The following MMP27 variants were observed in gnomAD, a reference collection of about 807,000 sequenced individuals.
MMP27 encodes the protein matrix metalloproteinase-27.
A neutral mutation model predicts 48.1 loss-of-function variants in MMP27; 51 were observed. The ratio of observed to expected loss-of-function variants is 1.06; its 90% confidence interval spans 0.85 to 1.34. The LOEUF (loss-of-function observed/expected upper bound fraction) is 1.34, where lower values mean the gene tolerates loss of function less well. MMP27 is among the 40% of genes most tolerant of loss of function. MMP27 has a pLI of 0.00. For synonymous variants in MMP27, 229 were observed against 208.9 expected, an observed-to-expected ratio of 1.10 and a Z score of -0.83; for missense variants, 698 against 619.3, an observed-to-expected ratio of 1.13 and a Z score of -1.35.
At chr11:102,696,240 G>T (rs1565426349) in intron 6 of MMP27, 131 bp downstream of exon 6, 1 of 853,232 alleles carries the variant, frequency 1.2e-6, no homozygotes, top group Non-Finnish European at 1.9e-6. Flanking sequence ...CATTCAAACA[G>T]TATAGGCAGT....
In MMP27 at chr11:102,691,650, G is replaced by A. The variant is rs1860724829; in HGVS notation, c.*116C>T. 1 of 928,526 alleles carries A rather than the reference G, an allele frequency of 1.1e-6. No individual in the cohort carries two copies. Among genetic ancestry groups the A allele is most frequent in the Non-Finnish European group, 1.5e-6 (1 of 646,116 alleles). 57.5% of individuals were successfully genotyped at this position (928,526 alleles called of 1,614,324 possible). On this transcript the variant is annotated 3_prime_UTR_variant, in exon 10 of 10. Coordinates refer to ENST00000260229, the MANE Select transcript of MMP27 (RefSeq NM_022122.3). Reference sequence around the variant, plus strand: ...AATCAGGCAGCTCAAAATGGCCATTGAATTTGGATATTTAGAACTAGGACC... The same window carrying A: ...AATCAGGCAGCTCAAAATGGCCATTAAATTTGGATATTTAGAACTAGGACC...
Position 102,696,608 on chromosome 11 carries a change from C to T in MMP27, c.781+66G>A, listed in dbSNP as rs1438181494. 6.4e-6 allele frequency: 10 copies of T among 1,569,050 alleles called. No individual in the cohort carries two copies. In the East Asian group the frequency reaches 2.2e-4, roughly 35 times the overall value. ...TGATAATATTTCAAGAAGTGATTTT[C>T]TTAACTTCCTTTCTGAAAAGCTTCC... On this transcript the variant is annotated intron_variant, in intron 5 of 9. Transcript: ENST00000260229.
intron 8 of MMP27, among the ~76,000 whole-genome samples, chr11:102,693,265 G>T (rs925707068): frequency 6.6e-6 from 1 of 152,178 alleles, no homozygotes; most frequent in African/African-American, 2.4e-5. Flanking sequence ...CACAACATAT[G>T]TTAGATTGAT....
chr11:102,700,292 C>G (rs757531237), intron 4 of MMP27, among the ~76,000 whole-genome samples: 4 of 152,202 alleles, frequency 2.6e-5, no homozygotes, highest in African/African-American at 9.6e-5. Context: ...AAGTCTCTGT[C>G]TCATGGAGAT....
At chr11:102,695,157 G>T in intron 6 of MMP27, 60 bp from the exon 7 acceptor site, 12 of 1,571,288 alleles carry the variant, frequency 7.6e-6, no homozygotes, top group Non-Finnish European at 9.6e-6. Context: ...TGAGAATTTT[G>T]TAATCTTAGG....
intron 4 of MMP27, among the ~76,000 whole-genome samples, chr11:102,698,368 A>G (rs896356617): frequency 6.6e-6 from 1 of 152,140 alleles, no homozygotes; most frequent in Non-Finnish European, 1.5e-5. Flanking sequence ...TGACCAAAAT[A>G]TGATTAAATG....
chr11:102,697,460 T>A (rs922925605), intron 4 of MMP27, among the ~76,000 whole-genome samples: 2 of 152,172 alleles, frequency 1.3e-5, no homozygotes, highest in African/African-American at 2.4e-5. Context: ...ATTAAAAATA[T>A]TTTTCTTCAA....
intron 2 of MMP27, among the ~76,000 whole-genome samples, chr11:102,704,144 G>A (rs1861000549): frequency 6.6e-6 from 1 of 152,182 alleles, no homozygotes; most frequent in African/African-American, 2.4e-5. Context: ...ACATGTCTCT[G>A]ACATAAACTG....
intron 4 of MMP27, among the ~76,000 whole-genome samples, chr11:102,700,422 A>G (rs950776216): frequency 6.6e-6 from 1 of 152,230 alleles, no homozygotes; most frequent in East Asian, 1.9e-4. Flanking sequence ...ACAATTGTCA[A>G]CAGAATCTTT....
At chr11:102,696,127 AG>A (rs1305434949) in intron 6 of MMP27, among the ~76,000 whole-genome samples, 1 of 152,250 alleles carries the variant, frequency 6.6e-6, no homozygotes, top group African/African-American at 2.4e-5. Context: ...AGTCACTGAA[AG>A]TGGACTCTAT....
intron 9 of MMP27, 118 bp downstream of exon 9, chr11:102,692,820 A>T: frequency 1.4e-6 from 1 of 720,166 alleles, no homozygotes; most frequent in Middle Eastern, 3.2e-4. Flanking sequence ...TTATTATTGT[A>T]TATACTTAAG....
rs1303324390 is a variant in MMP27, at chr11:102,704,720, C to T, written c.158G>A (p.Ser53Asn). 2 of 1,613,450 alleles carry T rather than the reference C, an allele frequency of 1.2e-6. No homozygotes were observed. Among genetic ancestry groups the T allele is most frequent in the Non-Finnish European group, 1.7e-6 (2 of 1,179,866 alleles). Reference protein sequence around the residue: ...LEIEGNHLVQSKNRSLIDDKI... With the variant: ...LEIEGNHLVQNKNRSLIDDKI... Reference sequence around the variant, plus strand: ...GTCATCTATGAGACTCCTATTCTTGCTTTGAACAAGATGATTCCCTTCTAT... The same window carrying T: ...GTCATCTATGAGACTCCTATTCTTGTTTTGAACAAGATGATTCCCTTCTAT... The change falls in exon 2 of 10, where the codon AGC becomes AAC. Residue 53 changes from serine to asparagine, a missense_variant. Ser to Asn is a conservative substitution (Grantham distance 46). Coordinates refer to ENST00000260229, the MANE Select transcript of MMP27 (RefSeq NM_022122.3).
At chr11:102,696,982 G>T in intron 4 of MMP27, 147 bp from the exon 5 acceptor site, 1 of 784,522 alleles carries the variant, frequency 1.3e-6, no homozygotes, top group Non-Finnish European at 2.0e-6. Flanking sequence ...TATCTGGGAG[G>T]TATTGCAATG....
rs1019769499 is a variant in MMP27 at position 102,695,058 on chromosome 11, C to T, written c.942G>A (p.Glu314=). ...WRIYYDITDV[E]FELIASFWPS... ...GCCAGAATGAAGCAATTAATTCAAA[C>T]TCAACATCCGTGATATCATAATAGA... Residue 314 remains glutamate, a synonymous_variant, in exon 7 of 10, where the codon GAG becomes GAA. Transcript: ENST00000260229. The T allele has an allele frequency of 1.2e-6, 2 of 1,613,946 alleles. No homozygotes were observed. Among genetic ancestry groups the T allele is most frequent in the Non-Finnish European group, 1.7e-6 (2 of 1,179,940 alleles).
intron 4 of MMP27, among the ~76,000 whole-genome samples, chr11:102,700,183 A>G (rs1472611907): frequency 6.6e-6 from 1 of 152,214 alleles, no homozygotes; most frequent in Non-Finnish European, 1.5e-5. Context: ...TGTTCAATAA[A>G]TGATCATTGA....
In MMP27 at chr11:102,691,883, A is replaced by G. The variant is rs1459469996; in HGVS notation, c.1425T>C (p.Phe475=). ...AATGTGCTTTTTCCTTGTTGATATC[A>G]AAACCAAATGAGGAGTTCTTTGGTT... The part of the protein sequence containing the change: ...CKEPKNSSFG[F]DINKEKAHSG... The change falls in exon 10 of 10, where the codon TTT becomes TTC. Residue 475 remains phenylalanine (F), a synonymous_variant. Transcript: ENST00000260229. The G allele has an allele frequency of 3.1e-6, 5 of 1,613,546 alleles. 1 individual carries two copies. The South Asian group carries it at 4.4e-5, about 14-fold the overall frequency.
intron 4 of MMP27, among the ~76,000 whole-genome samples, 162 bp from the exon 5 acceptor site, chr11:102,696,997 T>C (rs745737290): frequency 6.6e-6 from 1 of 152,228 alleles, no homozygotes; most frequent in South Asian, 2.1e-4. Flanking sequence ...GCAATGCTAA[T>C]AAGTCATGTG....
chr11:102,692,787 G>T, intron 9 of MMP27, 151 bp downstream of exon 9: 1 of 587,144 alleles, frequency 1.7e-6, no homozygotes. Context: ...TTCAGTTTGT[G>T]ATAATGTTTG....
At chr11:102,704,468 A>T in intron 2 of MMP27, 69 bp downstream of exon 2, 1 of 1,215,652 alleles carries the variant, frequency 8.2e-7, no homozygotes, top group Non-Finnish European at 1.2e-6. Flanking sequence ...AATGAATATT[A>T]TTCTGTTCCT....
Sources: allele counts gnomAD v4.1 joint callset (sites outside exome capture counted in the v4.1 genomes callset), GRCh38; gene constraint gnomAD v4.1.1; transcripts MANE v1.5; gene names NCBI Gene and HGNC (gene_info 2026-07-23, HGNC 2026-07-21).